DHTKD1: variants seen among roughly 807,000 people sequenced by gnomAD.
DHTKD1 encodes the protein 2-oxoadipate dehydrogenase complex component E1.
A neutral mutation model predicts 101.8 loss-of-function variants in DHTKD1; 78 were observed. That is an observed-to-expected ratio of 0.77 (90% CI 0.64 to 0.93). The LOEUF (loss-of-function observed/expected upper bound fraction) is 0.93, where lower values mean the gene tolerates loss of function less well. DHTKD1 is among the 40% of genes least tolerant of loss of function. DHTKD1 has a pLI of 0.00. For missense variants in DHTKD1, 1,223 were observed against 1,161.7 expected, an observed-to-expected ratio of 1.05 and a Z score of -0.77; for synonymous variants, 462 against 450.3, an observed-to-expected ratio of 1.03 and a Z score of -0.33.
At chr10:12,073,441 G>A (rs1588599653) in intron 1 of DHTKD1, among the ~76,000 whole-genome samples, 1 of 151,990 alleles carries the variant, frequency 6.6e-6, no homozygotes, top group Admixed American at 6.6e-5. Flanking sequence ...CTACCTCCCG[G>A]GTTTAAGAGA....
Position 12,097,827 on chromosome 10 carries a change from C to G in DHTKD1, c.1502C>G (p.Pro501Arg), listed in dbSNP as rs777647243. ...HLNNMAHYRP[P>R]ALNLQAHWQG... is the part of the protein sequence containing the mutation. ...AATAACATGGCCCACTACAGGCCCC[C>G]TGCCCTGAACCTGCAGGCCCACTGG... Residue 501 changes from proline (P) to arginine (R), a missense_variant, in exon 8 of 17, where the codon CCT becomes CGT. Pro to Arg is a moderately radical substitution (Grantham distance 103, BLOSUM62 -2). Transcript: ENST00000263035. 8 of 1,614,242 alleles carry G rather than the reference C, an allele frequency of 5.0e-6. No homozygotes were observed. The South Asian group carries it at 8.8e-5, about 18-fold the overall frequency.
At chr10:12,097,391 G>C (rs1248644818) in intron 7 of DHTKD1, among the ~76,000 whole-genome samples, 1 of 152,084 alleles carries the variant, frequency 6.6e-6, no homozygotes, top group Non-Finnish European at 1.5e-5. Context: ...TCCTGCCTCA[G>C]CCTCCTGAGT....
In DHTKD1 at chr10:12,109,451, C is replaced by T. The variant is rs1057057388; in HGVS notation, c.2154+1436C>T. ...AATGAGTAGGTGGGGGATACAGTTT[C>T]GGAGTCATCAGCCACTAGATGACAT... On this transcript the variant is annotated intron_variant, in intron 12 of 16. Coordinates refer to ENST00000263035, the MANE Select transcript of DHTKD1 (RefSeq NM_018706.7). Among the ~76,000 whole-genome samples, 4 of 150,772 alleles carry T rather than the reference C, an allele frequency of 2.7e-5. No homozygotes were observed. The South Asian group carries it at 6.3e-4, about 24-fold the overall frequency.
chr10:12,083,768 C>T (rs1449935405), intron 2 of DHTKD1, among the ~76,000 whole-genome samples: 1 of 152,044 alleles, frequency 6.6e-6, no homozygotes, highest in African/African-American at 2.4e-5. Flanking sequence ...ACTGTAGAAA[C>T]AAAACTTGGC....
At chr10:12,105,477 A>C (rs886980396) in intron 10 of DHTKD1, among the ~76,000 whole-genome samples, 1 of 151,836 alleles carries the variant, frequency 6.6e-6, no homozygotes, top group Admixed American at 6.6e-5. Context: ...CACCATGCCC[A>C]GCTAATTTTT....
intron 6 of DHTKD1, 54 bp from the exon 7 acceptor site, chr10:12,094,019 C>T: frequency 1.4e-6 from 2 of 1,439,688 alleles, no homozygotes; most frequent in Non-Finnish European, 1.9e-6. Flanking sequence ...TTAGAGAGGG[C>T]CAGTGTCATT....
chr10:12,102,422 CAAAAAAAAAAA>C (rs752816882), intron 10 of DHTKD1, among the ~76,000 whole-genome samples: 3 of 64,828 alleles, frequency 4.6e-5, no homozygotes, highest in East Asian at 7.8e-4. Context: ...GACTCTGTCT[CAAAAAAAAAAA>C]AAAAAAAAGA....
intron 1 of DHTKD1, among the ~76,000 whole-genome samples, chr10:12,077,568 C>T (rs1337129419): frequency 2.6e-5 from 4 of 152,142 alleles, no homozygotes; most frequent in Admixed American, 6.6e-5. Context: ...TTTCATCAAT[C>T]ATTCTTCTAC....
At chr10:12,074,035 A>G (rs1832687755) in intron 1 of DHTKD1, among the ~76,000 whole-genome samples, 1 of 152,220 alleles carries the variant, frequency 6.6e-6, no homozygotes, top group Non-Finnish European at 1.5e-5. Context: ...ACGGACTTAA[A>G]CATCAAATCT....
At chr10:12,072,037 T>C (rs1460857230) in intron 1 of DHTKD1, among the ~76,000 whole-genome samples, 7 of 152,204 alleles carry the variant, frequency 4.6e-5, no homozygotes. Flanking sequence ...TGGAGTGCAG[T>C]GGTGCAGTCA....
At chr10:12,075,644 A>G (rs569757213) in intron 1 of DHTKD1, among the ~76,000 whole-genome samples, 1 of 152,308 alleles carries the variant, frequency 6.6e-6, no homozygotes, top group South Asian at 2.1e-4. Context: ...CAAAGTGATT[A>G]CAGGTGTGAG....
rs373572198 is a variant in DHTKD1, at chr10:12,107,868, C to T, written c.2048-41C>T. Reference sequence around the variant, plus strand: ...GAGTCGTGTCAGGCCACTTTGTCCCCGCTTCGTAGAGCTCTTACTCCCCAC... The same window carrying T: ...GAGTCGTGTCAGGCCACTTTGTCCCTGCTTCGTAGAGCTCTTACTCCCCAC... On this transcript the variant is annotated intron_variant, in intron 11 of 16. Coordinates refer to ENST00000263035, the MANE Select transcript of DHTKD1 (RefSeq NM_018706.7). This position sits in a 1 kb window ranked among gnomAD's most constrained non-coding sequence, Gnocchi z 4.1. 64 of 1,398,586 alleles carry T rather than the reference C, an allele frequency of 4.6e-5. No homozygotes were observed. The highest frequency in any genetic ancestry group is 2.8e-4 in the Admixed American group (16 of 56,176). 86.6% of individuals were successfully genotyped at this position (1,398,586 alleles called of 1,614,324 possible). A position where few individuals can be genotyped will look rare whatever the true frequency, so the allele number is the denominator to read the frequency against.
At chr10:12,076,279 T>C (rs765778407) in intron 1 of DHTKD1, among the ~76,000 whole-genome samples, 33 of 152,290 alleles carry the variant, frequency 2.2e-4, no homozygotes, top group Middle Eastern at 3.4e-3. Flanking sequence ...AGATACAGAC[T>C]ATCCTGGCTA....
At chr10:12,093,286 C>G (rs189142136) in intron 6 of DHTKD1, among the ~76,000 whole-genome samples, 180 of 152,274 alleles carry the variant, frequency 1.2e-3, no homozygotes, top group African/African-American at 4.2e-3. Flanking sequence ...TCAGGTAATT[C>G]ACCTGCCTCA....
chr10:12,097,950 C>T lies in DHTKD1; in HGVS notation c.1625C>T (p.Pro542Leu). The T allele has an allele frequency of 6.2e-6, 10 of 1,613,832 alleles. No individual in the cohort carries two copies. The highest frequency in any genetic ancestry group is 8.5e-6 in the Non-Finnish European group (10 of 1,179,818). The part of the protein sequence containing the change: ...RFVGMKSVEV[P>L]RELQMHSHLL... ...GTTGGCATGAAGTCTGTAGAGGTGC[C>T]AAGAGAGCTGCAGATGCACAGTCAC... The change falls in exon 8 of 17, where the codon CCA becomes CTA. Residue 542 changes from proline to leucine, a missense_variant. Physicochemically the swap from Pro to Leu is moderately conservative, Grantham distance 98. Coordinates refer to ENST00000263035, the MANE Select transcript of DHTKD1 (RefSeq NM_018706.7).
chr10:12,075,203 G>A (rs1050007734), intron 1 of DHTKD1, among the ~76,000 whole-genome samples: 5 of 151,918 alleles, frequency 3.3e-5, no homozygotes, highest in East Asian at 1.9e-4. Flanking sequence ...TTTTTGAGAC[G>A]GAGTCTCGCT....
intron 1 of DHTKD1, among the ~76,000 whole-genome samples, chr10:12,075,349 C>T (rs982176380): frequency 6.6e-6 from 1 of 151,966 alleles, no homozygotes; most frequent in African/African-American, 2.4e-5. Flanking sequence ...CGGCTAATTT[C>T]TGTGGGGTTT....
At chr10:12,120,725 A>C in intron 16 of DHTKD1, 62 bp from the exon 17 acceptor site, 1 of 1,380,750 alleles carries the variant, frequency 7.2e-7, no homozygotes, top group East Asian at 2.3e-5. Context: ...GTCTTGTTGG[A>C]ACTAAGCAGA....
At chr10:12,111,279 C>T (rs987444733) in intron 12 of DHTKD1, among the ~76,000 whole-genome samples, 2 of 152,130 alleles carry the variant, frequency 1.3e-5, no homozygotes, top group Non-Finnish European at 2.9e-5. Flanking sequence ...AATTCTCCTG[C>T]CTCAGCCTCC....
Sources: allele counts gnomAD v4.1 joint callset (sites outside exome capture counted in the v4.1 genomes callset), GRCh38; gene constraint gnomAD v4.1.1; non-coding constraint Gnocchi (gnomAD v3.1); transcripts MANE v1.5; gene names NCBI Gene and HGNC (gene_info 2026-07-23, HGNC 2026-07-21).